Variants in PHACTR3 observed in about 807,000 individuals in gnomAD.
The protein encoded by PHACTR3 is protein phosphatase 1, regulatory subunit 123.
PHACTR3 carries 16 observed loss-of-function variants against 66.8 expected under a neutral mutation model. That is an observed-to-expected ratio of 0.24 (90% confidence interval 0.16 to 0.36). The LOEUF (loss-of-function observed/expected upper bound fraction) is 0.36. PHACTR3 is among the 10% of genes least tolerant of loss of function. The pLI, the probability that PHACTR3 is intolerant of heterozygous loss-of-function variation, is 1.00. For missense variants in PHACTR3, 647 were observed against 719.9 expected (o/e 0.90, Z 1.16); for synonymous variants, 323 against 292.1 (o/e 1.11, Z -1.08).
intron 1 of PHACTR3, chr20:59,628,093 C>T (rs1250431270): frequency 1.3e-5 from 2 of 152,218 alleles, no homozygotes; most frequent in African/African-American, 4.8e-5. Flanking sequence ...AGGAAACTCA[C>T]CAACCTCTTA....
intron 1 of PHACTR3, among the ~76,000 whole-genome samples, chr20:59,621,092 C>G (rs1375817068): frequency 6.6e-6 from 1 of 152,214 alleles, no homozygotes; most frequent in East Asian, 1.9e-4. Context: ...TGTCTGAGCT[C>G]TTTCTTGCTT....
At chr20:59,648,515 A>AAAAC in intron 1 of PHACTR3, among the ~76,000 whole-genome samples, 1 of 152,270 alleles carries the variant, frequency 6.6e-6, no homozygotes, top group East Asian at 1.9e-4. Context: ...ACATCTTTAA[A>AAAAC]ATCTCCTCGT....
chr20:59,724,118 G>A (rs759864691), intron 1 of PHACTR3, among the ~76,000 whole-genome samples: 15 of 152,140 alleles, frequency 9.9e-5, no homozygotes, highest in Non-Finnish European at 1.6e-4. Flanking sequence ...GAGAGGTGGC[G>A]CCTGGGCTGG....
chr20:59,765,881 T>G (rs2040162888), intron 4 of PHACTR3, among the ~76,000 whole-genome samples: 1 of 152,070 alleles, frequency 6.6e-6, no homozygotes, highest in Non-Finnish European at 1.5e-5. Context: ...AGACATACAG[T>G]GGGGAGAGTG....
chr20:59,743,264 G>T lies in PHACTR3; in HGVS notation c.276G>T (p.Thr92=). ...KKKNEKLKQT[T]SALEKKMAGR... Reference sequence around the variant, plus strand: ...AAAACGAAAAACTGAAGCAGACAACGTCAGGTAAAGGCCTGGTGACAGGCG... The same window carrying T: ...AAAACGAAAAACTGAAGCAGACAACTTCAGGTAAAGGCCTGGTGACAGGCG... The change falls in exon 2 of 13, where the codon ACG becomes ACT. Residue 92 remains threonine, a synonymous_variant. Transcript: ENST00000371015. 6.2e-7 allele frequency: 1 copy of T among 1,613,978 alleles called. No homozygotes were observed. Among genetic ancestry groups the T allele is most frequent in the Non-Finnish European group, 8.5e-7 (1 of 1,179,964 alleles).
At chr20:59,692,275 A>G (rs1307270866) in intron 1 of PHACTR3, among the ~76,000 whole-genome samples, 1 of 152,360 alleles carries the variant, frequency 6.6e-6, no homozygotes, top group Middle Eastern at 3.4e-3. Context: ...CCACTGGCCT[A>G]GAATGGTAAT....
intron 1 of PHACTR3, among the ~76,000 whole-genome samples, chr20:59,630,329 C>T (rs1029246009): frequency 1.6e-4 from 24 of 152,066 alleles, no homozygotes; most frequent in African/African-American, 5.5e-4. Flanking sequence ...ATTACAGGTG[C>T]CCACCACCAC....
At chr20:59,588,642 C>T (rs1018248920) in intron 1 of PHACTR3, among the ~76,000 whole-genome samples, 11 of 152,184 alleles carry the variant, frequency 7.2e-5, no homozygotes, top group Non-Finnish European at 1.5e-4. Context: ...CGGTACTGCC[C>T]CACCCCTCAC....
At chr20:59,606,834 G>A (rs6070862) in intron 1 of PHACTR3, among the ~76,000 whole-genome samples, 2 of 152,196 alleles carry the variant, frequency 1.3e-5, no homozygotes, top group Non-Finnish European at 2.9e-5. Context: ...GGAGGGCACA[G>A]GCTTGAGCTC....
intron 4 of PHACTR3, among the ~76,000 whole-genome samples, chr20:59,760,352 G>A (rs549886078): frequency 3.9e-5 from 6 of 152,278 alleles, no homozygotes; most frequent in African/African-American, 1.2e-4. Flanking sequence ...GATGGTGCCC[G>A]ATATGGTTTG....
intron 8 of PHACTR3, among the ~76,000 whole-genome samples, chr20:59,810,509 T>C (rs887721284): frequency 2.4e-4 from 37 of 152,272 alleles, no homozygotes; most frequent in Non-Finnish European, 4.8e-4. Flanking sequence ...CCTTTGTCTC[T>C]GCTCTGCCTC....
chr20:59,662,415 T>G (rs888303858), intron 1 of PHACTR3, among the ~76,000 whole-genome samples: 2 of 151,706 alleles, frequency 1.3e-5, no homozygotes, highest in African/African-American at 4.8e-5. Context: ...TGGAGAGGAA[T>G]GTGGAGCAGG....
intron 1 of PHACTR3, among the ~76,000 whole-genome samples, chr20:59,582,145 G>T (rs2032881430): frequency 6.6e-6 from 1 of 152,166 alleles, no homozygotes; most frequent in African/African-American, 2.4e-5. Flanking sequence ...CCTTCCCCAG[G>T]GAAGCCACTG....
intron 1 of PHACTR3, among the ~76,000 whole-genome samples, chr20:59,724,040 C>T (rs2038457107): frequency 6.6e-6 from 1 of 152,122 alleles, no homozygotes; most frequent in Admixed American, 6.5e-5. Context: ...TGAGCCTGAA[C>T]ACCTTTCACA....
In PHACTR3 at chr20:59,847,284, C is replaced by G; in HGVS notation, c.*154C>G. ...ACACACAGGTGCAATCTTGACCACA[C>G]TTACCTGCAAGAGGAGTAACCAGAG... On this transcript the variant is annotated 3_prime_UTR_variant, in exon 13 of 13. Transcript: ENST00000371015. 3.9e-6 allele frequency: 2 copies of G among 513,776 alleles called. No individual in the cohort carries two copies. The highest frequency in any genetic ancestry group is 5.6e-5 in the East Asian group (2 of 35,646). 31.8% of individuals were successfully genotyped at this position (513,776 alleles called of 1,614,324 possible).
chr20:59,645,817 T>C (rs866462605), intron 1 of PHACTR3, among the ~76,000 whole-genome samples: 2 of 152,152 alleles, frequency 1.3e-5, no homozygotes, highest in Non-Finnish European at 2.9e-5. Context: ...TCCCAGCATC[T>C]AGCTCAGTGC....
intron 8 of PHACTR3, among the ~76,000 whole-genome samples, chr20:59,813,988 G>A (rs1313115106): frequency 2.6e-5 from 4 of 152,214 alleles, no homozygotes; most frequent in Non-Finnish European, 4.4e-5. Context: ...TGTTCTGTTC[G>A]CCTCTTCAGG....
chr20:59,723,409 G>A (rs138109308), intron 1 of PHACTR3, among the ~76,000 whole-genome samples: 20 of 152,150 alleles, frequency 1.3e-4, no homozygotes, highest in South Asian at 6.2e-4. Context: ...ACCTAACACC[G>A]TGTTTTCAAG....
At position 59,820,467 on chromosome 20, in the gene PHACTR3, T is replaced by C. The variant is rs139408051; in HGVS notation, c.1328+14273T>C. ...AGCAACAGAACACACAGCTTCCAAA[T>C]TGGGACAAGTTTAAACTGGCAAATC... is the stretch of plus-strand genomic sequence containing the variant. On this transcript the variant is annotated intron_variant, in intron 8 of 12. Transcript: ENST00000371015. The surrounding 1 kb of genome is among the most constrained non-coding windows in gnomAD (Gnocchi z 4.6). Among the ~76,000 whole-genome samples, 2 of 152,156 alleles carry C rather than the reference T, an allele frequency of 1.3e-5. No homozygotes were observed. The highest frequency in any genetic ancestry group is 2.4e-5 in the African/African-American group (1 of 41,448).
Sources: allele counts gnomAD v4.1 joint callset (sites outside exome capture counted in the v4.1 genomes callset), GRCh38; gene constraint gnomAD v4.1.1; non-coding constraint Gnocchi (gnomAD v3.1); transcripts MANE v1.5; gene names NCBI Gene and HGNC (gene_info 2026-07-23, HGNC 2026-07-21).